The following MARCHF8 variants were observed in gnomAD, a reference collection of about 807,000 sequenced individuals.
MARCHF8 encodes the protein membrane associated ring-CH-type finger 8, also known as E3 ubiquitin-protein ligase MARCHF8.
Under a neutral mutation model 51.6 loss-of-function variants are expected in MARCHF8, and 40 were observed. The observed-to-expected ratio is 0.77, with a 90% CI of 0.60 to 1.01. The LOEUF is 1.01. Ranked by LOEUF, MARCHF8 falls within the 50% of genes least tolerant of loss-of-function variation. The pLI, the probability that MARCHF8 is intolerant of heterozygous loss-of-function variation, is 0.00. For missense variants in MARCHF8, 685 were observed against 708.6 expected, an observed-to-expected ratio of 0.97 and a Z score of 0.38; for synonymous variants, 263 against 280.3, an observed-to-expected ratio of 0.94 and a Z score of 0.62.
intron 2 of MARCHF8, among the ~76,000 whole-genome samples, chr10:45,524,767 G>A (rs2043763771): frequency 6.6e-6 from 1 of 152,094 alleles, no homozygotes; most frequent in African/African-American, 2.4e-5. Context: ...GAAAGCTACA[G>A]ACAGTTTGGT....
rs190151410 is a variant in MARCHF8 at position 45,541,394 on chromosome 10, G to A, written c.-78-8105C>T. 3.1e-4 allele frequency among the ~76,000 whole-genome samples: 47 copies of A among 152,232 alleles called. No homozygotes were observed. In the East Asian group the frequency reaches 8.1e-3, roughly 26 times the overall value. ...ATGAGAACACATGGACACAGGAAGCGGAACATCACACACCGGGGCCTGTTG... is the reference window on the plus strand; with the variant it reads ...ATGAGAACACATGGACACAGGAAGCAGAACATCACACACCGGGGCCTGTTG... On this transcript the variant is annotated intron_variant, in intron 1 of 6. Transcript: ENST00000319836.
At chr10:45,536,598 A>AG (rs889778674), upstream of MARCHF8, among the ~76,000 whole-genome samples, 7 of 151,952 alleles carry the variant, frequency 4.6e-5, no homozygotes, top group Admixed American at 2.0e-4. Flanking sequence ...TGTTAAAAAA[A>AG]AAAAAGTCTA....
chr10:45,513,385 G>A (rs2043566331), intron 2 of MARCHF8, among the ~76,000 whole-genome samples: 1 of 152,068 alleles, frequency 6.6e-6, no homozygotes, highest in African/African-American at 2.4e-5. Flanking sequence ...CTATGAGCCA[G>A]GTACAGGTCC....
intron 2 of MARCHF8, among the ~76,000 whole-genome samples, chr10:45,496,112 T>C (rs947292856): frequency 1.3e-5 from 2 of 152,070 alleles, no homozygotes; most frequent in East Asian, 3.9e-4. Flanking sequence ...AATACATTCA[T>C]AGATAAACAG....
intron 3 of MARCHF8, among the ~76,000 whole-genome samples, chr10:45,482,849 C>A (rs1047136508): frequency 6.6e-6 from 1 of 152,148 alleles, no homozygotes; most frequent in African/African-American, 2.4e-5. Context: ...GTACTTACTG[C>A]GAACTGATTT....
At chr10:45,480,361 G>C (rs999905323) in intron 3 of MARCHF8, among the ~76,000 whole-genome samples, 2 of 152,184 alleles carry the variant, frequency 1.3e-5, no homozygotes, top group Admixed American at 1.3e-4. Context: ...GTGGAAATTT[G>C]CCTAAGTAAC....
chr10:45,510,331 T>C (rs2043474496), intron 2 of MARCHF8, among the ~76,000 whole-genome samples: 1 of 152,160 alleles, frequency 6.6e-6, no homozygotes, highest in African/African-American at 2.4e-5. Context: ...AGCAGACTAA[T>C]ACAGTTAGTA....
At chr10:45,573,086 C>T (rs1375240251) in intron 1 of MARCHF8, among the ~76,000 whole-genome samples, 3 of 152,026 alleles carry the variant, frequency 2.0e-5, no homozygotes, top group East Asian at 1.9e-4. Context: ...AATCAGTTAG[C>T]GTTTAGGCTC....
At chr10:45,540,312 TTAGCC>T (rs1479681269), upstream of MARCHF8, among the ~76,000 whole-genome samples, 1 of 152,144 alleles carries the variant, frequency 6.6e-6, no homozygotes, top group African/African-American at 2.4e-5. Flanking sequence ...ACCATAAGGC[TTAGCC>T]ACAGTAACCA....
At chr10:45,567,921 A>C (rs954374157) in intron 1 of MARCHF8, among the ~76,000 whole-genome samples, 18 of 152,136 alleles carry the variant, frequency 1.2e-4, no homozygotes, top group African/African-American at 4.1e-4. Context: ...ATGAACATGT[A>C]ATATTTTTCC....
At chr10:45,555,364 G>A (rs980700678) in intron 1 of MARCHF8, among the ~76,000 whole-genome samples, 7 of 152,186 alleles carry the variant, frequency 4.6e-5, no homozygotes, top group African/African-American at 1.7e-4. Flanking sequence ...GGGCAACATA[G>A]TGAGATCTAT....
chr10:45,478,568 T>TAAAA (rs3086168), intron 3 of MARCHF8, among the ~76,000 whole-genome samples: 24 of 130,150 alleles, frequency 1.8e-4, no homozygotes, highest in African/African-American at 6.7e-4. Context: ...AAATAGGAGC[T>TAAAA]AAAAAAAAAA....
At chr10:45,553,960 T>C (rs1038057857) in intron 1 of MARCHF8, among the ~76,000 whole-genome samples, 3 of 152,214 alleles carry the variant, frequency 2.0e-5, no homozygotes, top group African/African-American at 7.2e-5. Context: ...TCTGGAACCA[T>C]GTATATGTTT....
chr10:45,520,595 G>A (rs2133233549), intron 2 of MARCHF8, among the ~76,000 whole-genome samples: 1 of 152,274 alleles, frequency 6.6e-6, no homozygotes, highest in Admixed American at 6.5e-5. Context: ...TGTGGCCTGG[G>A]CTAGTCACCA....
At chr10:45,594,871 T>C (rs1244312509) in exon 1 of MARCHF8, 1 of 152,222 alleles carries the variant, frequency 6.6e-6, no homozygotes, top group African/African-American at 2.4e-5. Context: ...GCGTCGCCTG[T>C]TTACACCCTA....
intron 2 of MARCHF8, among the ~76,000 whole-genome samples, chr10:45,505,899 T>C (rs754732067): frequency 8.5e-5 from 13 of 152,252 alleles, no homozygotes; most frequent in Non-Finnish European, 1.6e-4. Context: ...AGTTTTATAA[T>C]TCTGTATTTG....
At chr10:45,536,878 A>G (rs992259237), upstream of MARCHF8, among the ~76,000 whole-genome samples, 5 of 147,304 alleles carry the variant, frequency 3.4e-5, no homozygotes, top group Non-Finnish European at 7.4e-5. Context: ...TAATAATAAT[A>G]ATAAAGACAA....
chr10:45,573,879 A>G (rs2044459809), intron 1 of MARCHF8, among the ~76,000 whole-genome samples: 1 of 151,818 alleles, frequency 6.6e-6, no homozygotes, highest in African/African-American at 2.4e-5. Context: ...AACCTCTTAC[A>G]CTCCCCAACT....
intron 1 of MARCHF8, among the ~76,000 whole-genome samples, chr10:45,558,138 A>C (rs1055389016): frequency 1.4e-4 from 21 of 152,208 alleles, no homozygotes; most frequent in Admixed American, 1.2e-3. Context: ...CTTCAGAAGC[A>C]TGACTCCTAG....
Sources: allele counts gnomAD v4.1 joint callset (sites outside exome capture counted in the v4.1 genomes callset), GRCh38; gene constraint gnomAD v4.1.1; transcripts MANE v1.5; gene names NCBI Gene and HGNC (gene_info 2026-07-23, HGNC 2026-07-21).